CAST: variants seen among roughly 807,000 people sequenced by gnomAD.
CAST encodes MIR583 host.
Under a neutral mutation model 119.6 loss-of-function variants are expected in CAST, and 76 were observed. The ratio of observed to expected loss-of-function variants is 0.64; its 90% CI spans 0.53 to 0.77. The LOEUF is 0.77. CAST is among the 30% of genes least tolerant of loss of function. CAST has a pLI of 0.00. For missense variants in CAST, 953 were observed against 946.5 expected (o/e 1.01, Z -0.09); for synonymous variants, 319 against 331.6 (o/e 0.96, Z 0.41).
At chr5:96,463,939 A>G in the CAST span, among the ~76,000 whole-genome samples, 40 of 152,100 alleles carry the variant, frequency 2.6e-4, no homozygotes, top group Admixed American at 1.6e-3. Flanking sequence ...ACAGAAACAG[A>G]TAAAGTGAGT....
chr5:96,575,398 C>T (rs1229126198), intron 1 of CAST, among the ~76,000 whole-genome samples: 1 of 151,960 alleles, frequency 6.6e-6, no homozygotes, highest in Non-Finnish European at 1.5e-5. Context: ...ATTTCTTTTT[C>T]TCAACTTATT....
chr5:96,602,953 G>T (rs1747181721), intron 1 of CAST, among the ~76,000 whole-genome samples: 1 of 152,180 alleles, frequency 6.6e-6, no homozygotes, highest in Non-Finnish European at 1.5e-5. Context: ...GAAGAAAGGG[G>T]CCTCTGTGTT....
At chr5:96,106,153 C>T in the CAST span, among the ~76,000 whole-genome samples, 12 of 152,136 alleles carry the variant, frequency 7.9e-5, no homozygotes, top group Non-Finnish European at 1.6e-4. Flanking sequence ...TGCTAGCGGC[C>T]TATCAATTTT....
chr5:96,534,962 A>G (rs1191667196), intron 1 of CAST, among the ~76,000 whole-genome samples: 1 of 152,048 alleles, frequency 6.6e-6, no homozygotes, highest in Non-Finnish European at 1.5e-5. Flanking sequence ...AGAAAGAAAG[A>G]AAAAGAAAAC....
At chr5:96,479,461 T>G in the CAST span, among the ~76,000 whole-genome samples, 7 of 138,738 alleles carry the variant, frequency 5.0e-5, no homozygotes, top group Non-Finnish European at 1.1e-4. Context: ...TTATTTTTTT[T>G]TTTTTTTGAG....
At chr5:96,721,256 T>C (rs1052837438) in intron 3 of CAST, among the ~76,000 whole-genome samples, 7 of 152,152 alleles carry the variant, frequency 4.6e-5, no homozygotes, top group African/African-American at 1.7e-4. Flanking sequence ...TTCTCAGGAA[T>C]AGTTATGTTT....
chr5:96,081,895 G>A, the CAST span, among the ~76,000 whole-genome samples: 2 of 152,148 alleles, frequency 1.3e-5, no homozygotes, highest in African/African-American at 4.8e-5. Flanking sequence ...AGCTCTTTGA[G>A]GAAAGGCACA....
chr5:96,598,527 G>T (rs1432873480), intron 1 of CAST, among the ~76,000 whole-genome samples: 1 of 152,138 alleles, frequency 6.6e-6, no homozygotes, highest in Non-Finnish European at 1.5e-5. Flanking sequence ...TCTCTCTGTG[G>T]CCTCTGAGTT....
At chr5:96,009,507 G>A in the CAST span, among the ~76,000 whole-genome samples, 1 of 152,126 alleles carries the variant, frequency 6.6e-6, no homozygotes, top group Non-Finnish European at 1.5e-5. Context: ...GGTATGAGAT[G>A]GTATCTCAGT....
At chr5:96,571,007 A>T (rs1746557853) in intron 1 of CAST, among the ~76,000 whole-genome samples, 1 of 152,230 alleles carries the variant, frequency 6.6e-6, no homozygotes, top group Non-Finnish European at 1.5e-5. Context: ...CACAAGGTGG[A>T]AACAAGTATA....
At chr5:96,614,401 C>T (rs1747416991) in intron 1 of CAST, among the ~76,000 whole-genome samples, 1 of 152,160 alleles carries the variant, frequency 6.6e-6, no homozygotes, top group Admixed American at 6.5e-5. Context: ...AGCATCCAGC[C>T]GGGACATGCC....
chr5:96,402,253 T>A, the CAST span, among the ~76,000 whole-genome samples: 4 of 152,122 alleles, frequency 2.6e-5, no homozygotes, highest in Admixed American at 1.3e-4. Context: ...ATTTCAAAGG[T>A]CTTACCTGGC....
intron 1 of CAST, among the ~76,000 whole-genome samples, chr5:96,654,095 C>T (rs562162467): frequency 6.7e-6 from 1 of 149,810 alleles, no homozygotes; most frequent in South Asian, 2.1e-4. Flanking sequence ...GCGATCTCAG[C>T]TCACTGCAAC....
At chr5:96,255,703 A>G in the CAST span, among the ~76,000 whole-genome samples, 1 of 152,260 alleles carries the variant, frequency 6.6e-6, no homozygotes, top group South Asian at 2.1e-4. Flanking sequence ...TCATGTTACA[A>G]TTTGAGTAAC....
the CAST span, among the ~76,000 whole-genome samples, chr5:96,127,890 G>A: frequency 6.6e-6 from 1 of 152,046 alleles, no homozygotes; most frequent in African/African-American, 2.4e-5. Context: ...TTGCATGTGT[G>A]CCTCATGCGA....
At chr5:96,565,886 T>C (rs1250135763) in intron 1 of CAST, among the ~76,000 whole-genome samples, 1 of 152,158 alleles carries the variant, frequency 6.6e-6, no homozygotes, top group Non-Finnish European at 1.5e-5. Context: ...TGGCTAGAAT[T>C]TCAACAGGCA....
At chr5:96,375,073 C>A in the CAST span, among the ~76,000 whole-genome samples, 1 of 152,138 alleles carries the variant, frequency 6.6e-6, no homozygotes, top group Non-Finnish European at 1.5e-5. Context: ...AGTTAGAAAT[C>A]ATCCTGTGAT....
intron 2 of CAST, among the ~76,000 whole-genome samples, chr5:96,683,899 C>T (rs1038585137): frequency 6.6e-6 from 1 of 152,154 alleles, no homozygotes; most frequent in Non-Finnish European, 1.5e-5. Flanking sequence ...AGAAAATTTA[C>T]AAAATTTAGG....
intron 2 of CAST, among the ~76,000 whole-genome samples, chr5:96,677,123 G>A (rs1750811919): frequency 6.6e-6 from 1 of 151,870 alleles, no homozygotes; most frequent in African/African-American, 2.4e-5. Context: ...TATATTTCCA[G>A]ATAAGTTATT....
Sources: gnomAD v4.1 joint callset for allele counts (sites outside exome capture counted in the v4.1 genomes callset) on GRCh38, gnomAD v4.1.1 for gene constraint, MANE v1.5 for transcripts, NCBI Gene and HGNC (gene_info 2026-07-23, HGNC 2026-07-21) for gene names.